The following RUNX1T1 variants were observed in gnomAD, a reference collection of about 807,000 sequenced individuals.
The protein encoded by RUNX1T1 is protein CBFA2T1.
A neutral mutation model predicts 62.8 loss-of-function variants in RUNX1T1; 4 were observed. The ratio of observed to expected loss-of-function variants is 0.06; its 90% CI spans 0.03 to 0.15. RUNX1T1 has a LOEUF of 0.15. Among genes scored for constraint, RUNX1T1 ranks in the 10% least tolerant of loss-of-function variants. RUNX1T1 has a pLI of 1.00. For missense variants in RUNX1T1, 508 were observed against 754.3 expected, an observed-to-expected ratio of 0.67 and a Z score of 3.82; for synonymous variants, 291 against 286.0, an observed-to-expected ratio of 1.02 and a Z score of -0.18.
chr8:92,060,625 G>C (rs544396394), intron 1 of RUNX1T1, among the ~76,000 whole-genome samples: 2 of 148,402 alleles, frequency 1.3e-5, no homozygotes, highest in South Asian at 4.3e-4. Context: ...GATGATATCA[G>C]AGTGCATAGA....
At chr8:92,090,901 T>TA (rs530963300) in intron 1 of RUNX1T1, among the ~76,000 whole-genome samples, 48 of 152,282 alleles carry the variant, frequency 3.2e-4, no homozygotes, top group African/African-American at 1.2e-3. Flanking sequence ...ATCAATTACT[T>TA]AAAATCAGTG....
upstream of RUNX1T1, among the ~76,000 whole-genome samples, chr8:92,100,366 A>G (rs150611062): frequency 4.3e-4 from 65 of 152,340 alleles, no homozygotes; most frequent in East Asian, 0.012. Context: ...CTCCCATGCA[A>G]TATTTAGCTT....
chr8:91,980,198 A>C (rs778724837), intron 8 of RUNX1T1, among the ~76,000 whole-genome samples: 5 of 152,192 alleles, frequency 3.3e-5, no homozygotes, highest in Non-Finnish European at 5.9e-5. Context: ...GACATATTTA[A>C]CTAATAGTCC....
chr8:91,979,155 T>C, intron 8 of RUNX1T1, among the ~76,000 whole-genome samples: 1 of 152,142 alleles, frequency 6.6e-6, no homozygotes, highest in Non-Finnish European at 1.5e-5. Context: ...TTTGATACCT[T>C]GATAAACACT....
intron 10 of RUNX1T1, among the ~76,000 whole-genome samples, chr8:91,969,011 T>G (rs759553988): frequency 3.3e-5 from 5 of 152,050 alleles, no homozygotes; most frequent in African/African-American, 1.2e-4. Flanking sequence ...TTAAAATTCT[T>G]GGGGAAGTGT....
At chr8:92,088,926 G>T (rs1276535600) in intron 1 of RUNX1T1, among the ~76,000 whole-genome samples, 2 of 152,070 alleles carry the variant, frequency 1.3e-5, no homozygotes, top group African/African-American at 2.4e-5. Flanking sequence ...GTATATATAC[G>T]CTTAAGACAT....
chr8:92,054,402 G>A (rs1223091603), intron 1 of RUNX1T1, among the ~76,000 whole-genome samples: 2 of 152,094 alleles, frequency 1.3e-5, no homozygotes, highest in African/African-American at 4.8e-5. Context: ...GTTAAACACT[G>A]TCTCCTATTT....
intron 1 of RUNX1T1, among the ~76,000 whole-genome samples, chr8:92,020,459 T>G (rs1055081833): frequency 3.3e-5 from 5 of 152,166 alleles, no homozygotes; most frequent in Admixed American, 3.3e-4. Flanking sequence ...TATAGTGTCC[T>G]GGTATGTAAT....
At chr8:91,987,487 T>G (rs1255698978) in intron 6 of RUNX1T1, among the ~76,000 whole-genome samples, 2 of 152,244 alleles carry the variant, frequency 1.3e-5, no homozygotes, top group South Asian at 4.1e-4. Context: ...GTGATAAAAT[T>G]AGACCATGAA....
At chr8:92,051,081 T>C (rs1381279190) in intron 1 of RUNX1T1, among the ~76,000 whole-genome samples, 1 of 152,128 alleles carries the variant, frequency 6.6e-6, no homozygotes, top group East Asian at 1.9e-4. Context: ...TTATTGTACT[T>C]ATCCCTATCT....
intron 9 of RUNX1T1, among the ~76,000 whole-genome samples, chr8:91,971,334 AG>A (rs1197032014): frequency 6.6e-6 from 1 of 152,178 alleles, no homozygotes; most frequent in African/African-American, 2.4e-5. Flanking sequence ...AGACACATAA[AG>A]TCAGTTTTCC....
At chr8:92,098,744 A>C (rs1837902677) in intron 1 of RUNX1T1, among the ~76,000 whole-genome samples, 5 of 152,156 alleles carry the variant, frequency 3.3e-5, no homozygotes, top group Admixed American at 3.3e-4. Context: ...ACCTCCTCGA[A>C]TTTCATTTCT....
chr8:91,983,745 A>G (rs1057459139), intron 8 of RUNX1T1, among the ~76,000 whole-genome samples: 1 of 152,186 alleles, frequency 6.6e-6, no homozygotes, highest in African/African-American at 2.4e-5. Context: ...TTCAACTCCA[A>G]AGCCTGGAAG....
intron 1 of RUNX1T1, among the ~76,000 whole-genome samples, chr8:92,019,516 T>A (rs1388982260): frequency 5.3e-5 from 8 of 152,096 alleles, no homozygotes; most frequent in Non-Finnish European, 1.2e-4. Flanking sequence ...AAGAGCCTGA[T>A]GGGGGAGTAA....
chr8:91,991,526 T>G, intron 6 of RUNX1T1, 113 bp downstream of exon 7: 3 of 1,159,650 alleles, frequency 2.6e-6, no homozygotes, highest in Non-Finnish European at 2.5e-6. Context: ...AAGCAAGATA[T>G]GAGAATCTTC....
intron 4 of RUNX1T1, among the ~76,000 whole-genome samples, chr8:92,008,513 A>T (rs1821315380): frequency 6.6e-6 from 1 of 151,908 alleles, no homozygotes; most frequent in Non-Finnish European, 1.5e-5. Flanking sequence ...GACCTTTCTA[A>T]AACAATCATA....
intron 1 of RUNX1T1, among the ~76,000 whole-genome samples, chr8:92,049,716 T>G (rs903521275): frequency 6.6e-6 from 1 of 152,160 alleles, no homozygotes; most frequent in Non-Finnish European, 1.5e-5. Flanking sequence ...AAATTATGCC[T>G]AACACAATAA....
intron 1 of RUNX1T1, among the ~76,000 whole-genome samples, chr8:92,039,519 C>A (rs2131382008): frequency 6.6e-6 from 1 of 152,234 alleles, no homozygotes; most frequent in Non-Finnish European, 1.5e-5. Flanking sequence ...CACTTGTTTT[C>A]TTCCTGAATG....
chr8:92,010,037 C>A (rs1005974202), intron 4 of RUNX1T1: 1 of 152,134 alleles, frequency 6.6e-6, no homozygotes. Context: ...CTTACTTGAA[C>A]CTTATGTGTC....
Sources: gnomAD v4.1 joint callset for allele counts (sites outside exome capture counted in the v4.1 genomes callset) on GRCh38, gnomAD v4.1.1 for gene constraint, MANE v1.5 for transcripts, NCBI Gene and HGNC (gene_info 2026-07-23, HGNC 2026-07-21) for gene names.